Variants in CCDC102B observed in about 807,000 individuals in gnomAD.
CCDC102B encodes the protein coiled-coil domain-containing protein 102B.
CCDC102B carries 75 observed loss-of-function variants against 57.4 expected under a neutral mutation model. That is an observed-to-expected ratio of 1.31 (90% CI 1.08 to 1.58). The LOEUF (loss-of-function observed/expected upper bound fraction) is 1.58, where lower values mean the gene tolerates loss of function less well. Ranked by LOEUF, CCDC102B falls within the 40% of genes most tolerant of loss-of-function variation. The probability of loss-of-function intolerance (pLI) is 0.00; values close to 1 mark genes in which losing one functional copy is unlikely to be tolerated. For missense variants in CCDC102B, 636 were observed against 582.6 expected (o/e 1.09, Z -0.94); for synonymous variants, 206 against 201.9 (o/e 1.02, Z -0.17).
intron 2 of CCDC102B, among the ~76,000 whole-genome samples, chr18:68,743,849 A>T (rs1003571028): frequency 6.6e-6 from 1 of 152,174 alleles, no homozygotes; most frequent in Non-Finnish European, 1.5e-5. Flanking sequence ...AAATTTGTCC[A>T]GTTATTATTA....
At chr18:68,918,222 A>T (rs1304981609) in intron 6 of CCDC102B, among the ~76,000 whole-genome samples, 1 of 152,238 alleles carries the variant, frequency 6.6e-6, no homozygotes, top group East Asian at 1.9e-4. Context: ...CAAAACTTAC[A>T]AAATTAAATA....
intron 2 of CCDC102B, among the ~76,000 whole-genome samples, chr18:68,746,407 T>G (rs1421269216): frequency 6.6e-6 from 1 of 152,196 alleles, no homozygotes; most frequent in African/African-American, 2.4e-5. Flanking sequence ...TATTAACTTT[T>G]TCTCAGAAAT....
At chr18:68,938,553 C>G (rs1407167140) in intron 6 of CCDC102B, among the ~76,000 whole-genome samples, 1 of 151,610 alleles carries the variant, frequency 6.6e-6, no homozygotes, top group African/African-American at 2.4e-5. Context: ...TTCTACTTAA[C>G]TGGAATAATG....
chr18:68,809,420 G>A (rs2036159569), intron 1 of CCDC102B, among the ~76,000 whole-genome samples: 2 of 152,110 alleles, frequency 1.3e-5, no homozygotes, highest in Non-Finnish European at 2.9e-5. Flanking sequence ...TATAGATTAT[G>A]GAATTCTGTT....
chr18:68,970,074 CT>C (rs2050263164), intron 6 of CCDC102B, among the ~76,000 whole-genome samples: 1 of 151,908 alleles, frequency 6.6e-6, no homozygotes, highest in Non-Finnish European at 1.5e-5. Context: ...AATTTAGGTT[CT>C]TTTTAAGCTG....
At chr18:68,874,597 G>A (rs1233738217) in intron 4 of CCDC102B, 72 bp from the exon 5 acceptor site, 18 of 874,330 alleles carry the variant, frequency 2.1e-5, no homozygotes, top group Non-Finnish European at 3.0e-5. Flanking sequence ...GCTAAATGAA[G>A]GACTAATGTG....
At chr18:68,728,337 T>A (rs2032696009) in intron 2 of CCDC102B, among the ~76,000 whole-genome samples, 1 of 152,212 alleles carries the variant, frequency 6.6e-6, no homozygotes, top group Non-Finnish European at 1.5e-5. Context: ...GGTATTTGAA[T>A]AGAATATACA....
chr18:69,054,396 G>T lies in CCDC102B; in HGVS notation c.*259G>T, dbSNP rs2052779862. ...TGTAAATATTTTGAAAGTCAAAAAG[G>T]GCTTTCAGAATACTTTTTACATAAA... On this transcript the variant is annotated 3_prime_UTR_variant, in exon 8 of 8. Transcript: ENST00000360242. The T allele has an allele frequency of 9.0e-7, 1 of 1,109,254 alleles. No individual in the cohort carries two copies. Among genetic ancestry groups the T allele is most frequent in the East Asian group, 5.9e-5 (1 of 16,988 alleles). 68.7% of individuals were successfully genotyped at this position (1,109,254 alleles called of 1,614,324 possible).
At position 68,728,649 on chromosome 18, in the gene CCDC102B, A is replaced by T. The variant is rs146984614; in HGVS notation, c.-67+12055A>T. Among the ~76,000 whole-genome samples, 610 of 152,316 alleles carry T rather than the reference A, an allele frequency of 4.0e-3. 2 individuals are homozygous for T. Among genetic ancestry groups the T allele is most frequent in the African/African-American group, 0.014 (579 of 41,564 alleles). ...GATTTACATCAATGTGCCCTAAAAAATTATAACTTTTTCTGGGTGTTATCC... is the reference window on the plus strand; with the variant it reads ...GATTTACATCAATGTGCCCTAAAAATTTATAACTTTTTCTGGGTGTTATCC... On this transcript the variant is annotated intron_variant, in intron 2 of 3. Transcript: ENST00000578970.
chr18:68,914,779 G>C (rs1285929506), intron 6 of CCDC102B, among the ~76,000 whole-genome samples: 1 of 152,132 alleles, frequency 6.6e-6, no homozygotes, highest in Non-Finnish European at 1.5e-5. Flanking sequence ...AGCATTTGCG[G>C]ATTTTAATTT....
chr18:68,924,715 C>T (rs943982620), intron 6 of CCDC102B, among the ~76,000 whole-genome samples: 1 of 151,940 alleles, frequency 6.6e-6, no homozygotes, highest in South Asian at 2.1e-4. Context: ...AACAATTGTT[C>T]CCTGACATGG....
At chr18:68,805,354 G>A (rs538489355) in intron 1 of CCDC102B, among the ~76,000 whole-genome samples, 9 of 152,284 alleles carry the variant, frequency 5.9e-5, no homozygotes, top group African/African-American at 1.7e-4. Flanking sequence ...TCAAGAAACT[G>A]AAGTGAGACC....
rs1247117869 is a variant in CCDC102B at position 68,790,127 on chromosome 18, C to T, written c.-66-33239C>T. On this transcript the variant is annotated intron_variant, in intron 2 of 3. Coordinates refer to the CCDC102B transcript ENST00000578970. ...GTCTGCCCCTGCTGGGGGGTGCCTC[C>T]CAGTTAGGCTGCTCAGGGGTCAGGG... 1.7e-4 allele frequency among the ~76,000 whole-genome samples: 25 copies of T among 149,832 alleles called. 1 individual carries two copies. In the East Asian group the frequency reaches 4.1e-3, roughly 25 times the overall value.
intron 4 of CCDC102B, among the ~76,000 whole-genome samples, chr18:68,860,454 A>T (rs12968444): frequency 0.28 from 25,669 of 93,022 alleles, 4,125 homozygotes; most frequent in Non-Finnish European, 0.35. Flanking sequence ...AAGTATAATT[A>T]AAAAAAAACA....
chr18:68,941,831 A>T (rs995040547), intron 6 of CCDC102B, among the ~76,000 whole-genome samples: 3 of 152,106 alleles, frequency 2.0e-5, no homozygotes, highest in Admixed American at 6.6e-5. Context: ...TATATTCAAT[A>T]TGGTAATTCA....
At chr18:68,953,804 G>C (rs975265587) in intron 6 of CCDC102B, among the ~76,000 whole-genome samples, 2 of 152,214 alleles carry the variant, frequency 1.3e-5, no homozygotes, top group East Asian at 3.9e-4. Flanking sequence ...CAAGCACACA[G>C]GTGGATGTGG....
At chr18:68,905,584 CGCCCTGTCTA>C (rs35852057) in intron 6 of CCDC102B, among the ~76,000 whole-genome samples, 132,748 of 151,026 alleles carry the variant, frequency 0.88, 58,464 homozygotes, top group South Asian at 0.91. Context: ...GTTATGGGAC[CGCCCTGTCTA>C]GCCCTGTCTA....
At chr18:69,025,839 G>C (rs560956878) in intron 7 of CCDC102B, among the ~76,000 whole-genome samples, 8 of 152,298 alleles carry the variant, frequency 5.3e-5, no homozygotes, top group African/African-American at 1.9e-4. Context: ...AACAGCAGAA[G>C]GACAGAGCTG....
At chr18:68,987,544 A>C (rs190380583) in intron 6 of CCDC102B, among the ~76,000 whole-genome samples, 103 of 152,284 alleles carry the variant, frequency 6.8e-4, no homozygotes, top group Non-Finnish European at 1.0e-3. Flanking sequence ...ACAGAAACAA[A>C]AATTGACAGT....
Sources: allele counts gnomAD v4.1 joint callset (sites outside exome capture counted in the v4.1 genomes callset), GRCh38; gene constraint gnomAD v4.1.1; transcripts MANE v1.5; gene names NCBI Gene and HGNC (gene_info 2026-07-23, HGNC 2026-07-21).